PLD5: variants seen among roughly 807,000 people sequenced by gnomAD.
The protein encoded by PLD5 is phospholipase D family member 5.
PLD5 carries 36 observed loss-of-function variants against 61.1 expected under a neutral mutation model. The observed-to-expected ratio is 0.59, with a 90% confidence interval of 0.45 to 0.78. The LOEUF (loss-of-function observed/expected upper bound fraction) is 0.78, where lower values mean the gene tolerates loss of function less well. Among genes scored for constraint, PLD5 ranks in the 30% least tolerant of loss-of-function variants. PLD5 has a pLI of 0.00. For synonymous variants in PLD5, 243 were observed against 242.8 expected (o/e 1.00, Z -0.01); for missense variants, 515 against 644.4 (o/e 0.80, Z 2.17).
intron 3 of PLD5, among the ~76,000 whole-genome samples, chr1:242,275,015 A>G (rs537722268): frequency 2.6e-5 from 4 of 152,308 alleles, no homozygotes; most frequent in Middle Eastern, 6.8e-3. Flanking sequence ...CCAATTGCAG[A>G]AGAGTTTATC....
At chr1:242,231,764 C>T (rs55995521) in intron 4 of PLD5, among the ~76,000 whole-genome samples, 33,197 of 151,908 alleles carry the variant, frequency 0.22, 3,781 homozygotes, top group Middle Eastern at 0.27. Context: ...ATTGGCAGCA[C>T]TGAATGCTGA....
chr1:242,178,681 C>T (rs963805822), intron 5 of PLD5, among the ~76,000 whole-genome samples: 1 of 152,110 alleles, frequency 6.6e-6, no homozygotes, highest in Non-Finnish European at 1.5e-5. Flanking sequence ...CACAGAATCC[C>T]AAGCTGCTGC....
intron 5 of PLD5, among the ~76,000 whole-genome samples, chr1:242,179,146 C>T (rs1034428027): frequency 6.6e-6 from 1 of 152,160 alleles, no homozygotes; most frequent in African/African-American, 2.4e-5. Context: ...GGGCAATTAC[C>T]TTCTCTCCTG....
chr1:242,159,978 A>G (rs1045474398), intron 5 of PLD5, among the ~76,000 whole-genome samples: 1 of 152,038 alleles, frequency 6.6e-6, no homozygotes, highest in African/African-American at 2.4e-5. Flanking sequence ...TTAGCAATTC[A>G]TTAAAAATAT....
At chr1:242,488,158 G>A (rs1668026296) in intron 1 of PLD5, among the ~76,000 whole-genome samples, 1 of 152,048 alleles carries the variant, frequency 6.6e-6, no homozygotes, top group African/African-American at 2.4e-5. Flanking sequence ...AAAACAGTTT[G>A]GCAGTTTCTT....
rs149189250 is a variant in PLD5 at position 242,354,930 on chromosome 1, A to G, written c.190-6688T>C. On this transcript the variant is annotated intron_variant, in intron 1 of 9. Coordinates refer to ENST00000536534, the MANE Select transcript of PLD5 (RefSeq NM_001372062.1). ...TCAATGTGGTGTATCACATTTAATA[A>G]TTTGTCAATGTGGATATATCCTTGC... is the stretch of plus-strand genomic sequence containing the variant. Among the ~76,000 whole-genome samples, 476 of 152,158 alleles carry G rather than the reference A, an allele frequency of 3.1e-3. 1 individual carries two copies. The highest frequency in any genetic ancestry group is 0.018 in the East Asian group (94 of 5,176).
intron 5 of PLD5, among the ~76,000 whole-genome samples, chr1:242,219,319 T>C (rs891036604): frequency 6.6e-6 from 1 of 152,106 alleles, no homozygotes; most frequent in Non-Finnish European, 1.5e-5. Flanking sequence ...GGAGACAATA[T>C]CTGTGTGTAG....
In PLD5 at chr1:242,084,995, A is replaced by G. The variant is rs936342476; in HGVS notation, c.*4859T>C. 6.6e-6 allele frequency: 1 copy of G among 152,094 alleles called. No individual in the cohort carries two copies. Among genetic ancestry groups the G allele is most frequent in the Non-Finnish European group, 1.5e-5 (1 of 68,038 alleles). The allele number at this position is 152,094 out of a possible 1,614,324, so 9.4% of individuals were successfully genotyped here. A position where few individuals can be genotyped will look rare whatever the true frequency, so the allele number is the denominator to read the frequency against. On this transcript the variant is annotated 3_prime_UTR_variant, in exon 10 of 10. Coordinates refer to ENST00000536534, the MANE Select transcript of PLD5 (RefSeq NM_001372062.1). ...AAAGCCATCTAATATTTACTTCTGA[A>G]AAAACTGAGCATCTGGTTATACGAA...
At chr1:242,415,345 A>G (rs572313141) in intron 1 of PLD5, among the ~76,000 whole-genome samples, 1 of 152,242 alleles carries the variant, frequency 6.6e-6, no homozygotes, top group South Asian at 2.1e-4. Context: ...GAAACAACCC[A>G]TCAGCAGAGG....
intron 1 of PLD5, among the ~76,000 whole-genome samples, chr1:242,520,025 T>G (rs1466344805): frequency 2.0e-5 from 3 of 152,218 alleles, no homozygotes; most frequent in Non-Finnish European, 4.4e-5. Context: ...AGCAGTCTTG[T>G]GAGAGCTGGT....
Position 242,153,450 on chromosome 1 carries a change from C to A in PLD5, c.736-28785G>T, listed in dbSNP as rs548323737. On this transcript the variant is annotated intron_variant, in intron 5 of 9. Transcript: ENST00000536534. ...CATGCCTATGTCCTGAATGGTATCG[C>A]CTAGGTTTTCTTCTAGGGTTTTTAT... Among the ~76,000 whole-genome samples, 3 of 151,602 alleles carry A rather than the reference C, an allele frequency of 2.0e-5. No individual in the cohort carries two copies. In the South Asian group the frequency reaches 6.3e-4, roughly 32 times the overall value.
intron 1 of PLD5, among the ~76,000 whole-genome samples, chr1:242,495,293 C>T (rs190657985): frequency 4.3e-4 from 65 of 152,172 alleles, no homozygotes; most frequent in Middle Eastern, 3.4e-3. Context: ...ACCCAAGGGC[C>T]CCATGGGAAG....
intron 2 of PLD5, among the ~76,000 whole-genome samples, chr1:242,289,370 A>T (rs868132658): frequency 1.6e-4 from 24 of 151,916 alleles, no homozygotes; most frequent in African/African-American, 2.2e-4. Flanking sequence ...TTTTTTTGAG[A>T]TGGAGTCTCG....
chr1:242,106,369 T>C (rs1198201935), intron 8 of PLD5, among the ~76,000 whole-genome samples: 1 of 152,188 alleles, frequency 6.6e-6, no homozygotes, highest in African/African-American at 2.4e-5. Flanking sequence ...TTGCATTTTC[T>C]CCCTTGTGGG....
intron 4 of PLD5, among the ~76,000 whole-genome samples, chr1:242,241,908 T>TAC (rs1164750815): frequency 1.6e-3 from 68 of 43,198 alleles, no homozygotes; most frequent in Middle Eastern, 0.015. Flanking sequence ...TATATATATA[T>TAC]ATACTTACTG....
chr1:242,214,614 T>A (rs530136863), intron 5 of PLD5, among the ~76,000 whole-genome samples: 17 of 152,148 alleles, frequency 1.1e-4, no homozygotes, highest in Non-Finnish European at 2.4e-4. Context: ...GAGAAACTTA[T>A]CTAAACAATT....
intron 1 of PLD5, among the ~76,000 whole-genome samples, chr1:242,521,395 C>T (rs1205824114): frequency 6.6e-6 from 1 of 152,164 alleles, no homozygotes; most frequent in Non-Finnish European, 1.5e-5. Flanking sequence ...TGGTTGTCTG[C>T]TTTATCTCAC....
intron 1 of PLD5, among the ~76,000 whole-genome samples, chr1:242,416,736 G>A (rs978581753): frequency 9.9e-5 from 15 of 152,208 alleles, no homozygotes; most frequent in Non-Finnish European, 1.5e-4. Context: ...TGTTTCTTTG[G>A]ATGAAAGCAA....
At chr1:242,252,728 G>C (rs1672773490) in intron 4 of PLD5, among the ~76,000 whole-genome samples, 1 of 152,006 alleles carries the variant, frequency 6.6e-6, no homozygotes, top group Non-Finnish European at 1.5e-5. Flanking sequence ...GGCTAAAAAT[G>C]CTGACCGTGG....
Sources: gnomAD v4.1 joint callset for allele counts (sites outside exome capture counted in the v4.1 genomes callset) on GRCh38, gnomAD v4.1.1 for gene constraint, MANE v1.5 for transcripts, NCBI Gene and HGNC (gene_info 2026-07-23, HGNC 2026-07-21) for gene names.